The following SNAP25 variants were observed in gnomAD, a reference collection of about 807,000 sequenced individuals.
The protein encoded by SNAP25 is synaptosome associated protein 25.
In SNAP25, 3 loss-of-function variants were observed where a neutral mutation model predicts 28.7. That is an observed-to-expected ratio of 0.10 (90% confidence interval 0.05 to 0.27). SNAP25 has a LOEUF of 0.27. SNAP25 is among the 10% of genes least tolerant of loss of function. SNAP25 has a pLI of 1.00. For synonymous variants in SNAP25, 61 were observed against 88.1 expected (o/e 0.69, Z 1.72); for missense variants, 117 against 278.7 (o/e 0.42, Z 4.13).
At chr20:10,280,999 C>T (rs2063769165) in intron 3 of SNAP25, among the ~76,000 whole-genome samples, 1 of 152,020 alleles carries the variant, frequency 6.6e-6, no homozygotes, top group East Asian at 1.9e-4. Context: ...ATGTTTTAGA[C>T]TTTGGGAAAA....
intron 1 of SNAP25, among the ~76,000 whole-genome samples, chr20:10,234,515 A>T (rs139138241): frequency 1.2e-4 from 19 of 152,350 alleles, no homozygotes; most frequent in Middle Eastern, 3.4e-3. Context: ...CGCAAAGCCT[A>T]CCATTACTTA....
intron 1 of SNAP25, among the ~76,000 whole-genome samples, chr20:10,224,289 T>TTC: frequency 7.3e-6 from 1 of 137,498 alleles, no homozygotes; most frequent in East Asian, 2.1e-4. Context: ...TTTTTTTTTT[T>TTC]TTTGCAGTCT....
At chr20:10,240,873 G>A (rs1299851921) in intron 1 of SNAP25, among the ~76,000 whole-genome samples, 2 of 152,204 alleles carry the variant, frequency 1.3e-5, no homozygotes, top group East Asian at 1.9e-4. Flanking sequence ...CAGTCTTTCA[G>A]TGTTTGCCAT....
chr20:10,268,878 T>C (rs965919275), intron 1 of SNAP25, among the ~76,000 whole-genome samples: 3 of 152,054 alleles, frequency 2.0e-5, no homozygotes, highest in African/African-American at 7.2e-5. Context: ...CCGTTTCTGA[T>C]GCTAAACATC....
chr20:10,264,918 C>CTTT (rs958711328), intron 1 of SNAP25, among the ~76,000 whole-genome samples: 15 of 117,146 alleles, frequency 1.3e-4, no homozygotes, highest in African/African-American at 2.4e-4. Context: ...TCAGACCATG[C>CTTT]TTTTTTTTTT....
At chr20:10,246,530 T>A (rs990021617) in intron 1 of SNAP25, among the ~76,000 whole-genome samples, 8 of 152,220 alleles carry the variant, frequency 5.3e-5, no homozygotes, top group Admixed American at 2.0e-4. Context: ...GTCCTATGGC[T>A]ACCCACCATC....
At chr20:10,232,212 C>T (rs897895315) in intron 1 of SNAP25, among the ~76,000 whole-genome samples, 11 of 152,232 alleles carry the variant, frequency 7.2e-5, no homozygotes, top group African/African-American at 2.7e-4. Context: ...TTTGTACTCT[C>T]TGGACTTCCA....
intron 1 of SNAP25, among the ~76,000 whole-genome samples, chr20:10,269,054 A>G (rs2063550638): frequency 6.6e-6 from 1 of 152,240 alleles, no homozygotes; most frequent in Non-Finnish European, 1.5e-5. Flanking sequence ...ATCCTGTAGG[A>G]ATAGTCAATC....
chr20:10,289,455 A>G (rs1389300973), intron 4 of SNAP25, among the ~76,000 whole-genome samples: 1 of 152,006 alleles, frequency 6.6e-6, no homozygotes, highest in Non-Finnish European at 1.5e-5. Flanking sequence ...CTGACAGAAG[A>G]AAGACAAAGT....
intron 3 of SNAP25, among the ~76,000 whole-genome samples, chr20:10,283,454 A>T (rs950578324): frequency 6.6e-6 from 1 of 152,168 alleles, no homozygotes; most frequent in Non-Finnish European, 1.5e-5. Flanking sequence ...TCCATACTAC[A>T]TCCTGACTTT....
chr20:10,287,216 C>T (rs2063896981), intron 4 of SNAP25, among the ~76,000 whole-genome samples: 1 of 151,794 alleles, frequency 6.6e-6, no homozygotes, highest in Non-Finnish European at 1.5e-5. Flanking sequence ...TCAGAGTGAA[C>T]AGGCAACCTA....
rs1468343059 is a variant in SNAP25, at chr20:10,307,288, A to C, written c.*1091A>C. ...ACCTTTTAAAAAAATAATATAAATG[A>C]ATGAAATATAAACTGTGAGATAAAT... On this transcript the variant is annotated 3_prime_UTR_variant, in exon 8 of 8. Transcript: ENST00000254976. 6.5e-6 allele frequency: 1 copy of C among 152,676 alleles called. No homozygotes were observed. Among genetic ancestry groups the C allele is most frequent in the African/African-American group, 2.4e-5 (1 of 41,458 alleles). 9.5% of individuals were successfully genotyped at this position (152,676 alleles called of 1,614,324 possible).
chr20:10,285,906 G>A (rs1037522651), intron 4 of SNAP25, among the ~76,000 whole-genome samples: 1 of 152,184 alleles, frequency 6.6e-6, no homozygotes, highest in Non-Finnish European at 1.5e-5. Flanking sequence ...AATAACCAGT[G>A]TTGTGAATAT....
chr20:10,283,868 A>G (rs1191566581), intron 3 of SNAP25, among the ~76,000 whole-genome samples: 1 of 152,190 alleles, frequency 6.6e-6, no homozygotes, highest in African/African-American at 2.4e-5. Flanking sequence ...CTTTCTAGAA[A>G]TGAGGATTCT....
chr20:10,285,035 C>A (rs1339067080), intron 4 of SNAP25, among the ~76,000 whole-genome samples: 1 of 148,224 alleles, frequency 6.7e-6, no homozygotes, highest in Non-Finnish European at 1.5e-5. Context: ...ATTTTGAAGG[C>A]AAAAGCCATT....
intron 1 of SNAP25, among the ~76,000 whole-genome samples, chr20:10,235,019 A>T (rs1022941884): frequency 6.6e-6 from 1 of 152,210 alleles, no homozygotes; most frequent in Non-Finnish European, 1.5e-5. Context: ...CTTGAACTGG[A>T]CCATGCCACT....
chr20:10,260,688 TACAC>T (rs36220354), intron 1 of SNAP25, among the ~76,000 whole-genome samples: 4,460 of 148,518 alleles, frequency 0.03, 181 homozygotes, highest in African/African-American at 0.095. Context: ...TTAGACTCAC[TACAC>T]ACACACACAC....
At chr20:10,227,655 C>T (rs187319585) in intron 1 of SNAP25, among the ~76,000 whole-genome samples, 29 of 152,128 alleles carry the variant, frequency 1.9e-4, no homozygotes, top group African/African-American at 4.8e-4. Context: ...AAAATGCTAA[C>T]GAAGGATCAA....
intron 1 of SNAP25, among the ~76,000 whole-genome samples, chr20:10,237,495 C>A (rs185311715): frequency 1.8e-4 from 27 of 152,268 alleles, no homozygotes; most frequent in Non-Finnish European, 3.1e-4. Flanking sequence ...CAACTGGCTG[C>A]TAGAATTTTG....
Sources: allele counts gnomAD v4.1 joint callset (sites outside exome capture counted in the v4.1 genomes callset), GRCh38; gene constraint gnomAD v4.1.1; transcripts MANE v1.5; gene names NCBI Gene and HGNC (gene_info 2026-07-23, HGNC 2026-07-21).